The following PATJ variants were observed in gnomAD, a reference collection of about 807,000 sequenced individuals.
PATJ encodes the protein inaD-like protein.
A neutral mutation model predicts 224.9 loss-of-function variants in PATJ; 190 were observed. That is an observed-to-expected ratio of 0.84 (90% confidence interval 0.75 to 0.95). PATJ has a LOEUF of 0.95. Ranked by LOEUF, PATJ falls within the 40% of genes least tolerant of loss-of-function variation. The probability of loss-of-function intolerance (pLI) is 0.00; values close to 1 mark genes in which losing one functional copy is unlikely to be tolerated. For missense variants in PATJ, 2,121 were observed against 2,270.3 expected, an observed-to-expected ratio of 0.93 and a Z score of 1.34; for synonymous variants, 769 against 820.3, an observed-to-expected ratio of 0.94 and a Z score of 1.07.
chr1:61,960,911 A>C (rs1319928080), intron 27 of PATJ, among the ~76,000 whole-genome samples: 1 of 152,174 alleles, frequency 6.6e-6, no homozygotes, highest in Non-Finnish European at 1.5e-5. Flanking sequence ...GCAGAGTTAA[A>C]GATGGAAGGA....
rs528885290 is a variant in PATJ, at chr1:61,979,795, C to T, written c.3671-10373C>T. 2.0e-5 allele frequency among the ~76,000 whole-genome samples: 3 copies of T among 152,026 alleles called. No individual in the cohort carries two copies. The South Asian group carries it at 6.2e-4, about 32-fold the overall frequency. ...AGGTTTAAACCAAAGAAGTAAATAG[C>T]CATGGAGTGGTAAGATTGGACAAAC... On this transcript the variant is annotated intron_variant, in intron 27 of 43. Coordinates refer to ENST00000642238, the MANE Select transcript of PATJ (RefSeq NM_001350145.3).
chr1:61,877,846 AACC>A (rs1183195724), intron 21 of PATJ, among the ~76,000 whole-genome samples: 2 of 152,184 alleles, frequency 1.3e-5, no homozygotes. Context: ...CTGTTTTTCT[AACC>A]TCTGTACCCC....
chr1:61,828,199 C>T (rs993139983), intron 16 of PATJ, among the ~76,000 whole-genome samples: 11 of 150,292 alleles, frequency 7.3e-5, no homozygotes, highest in African/African-American at 2.0e-4. Flanking sequence ...GCTGAGATCA[C>T]GCCATTGCAC....
intron 14 of PATJ, among the ~76,000 whole-genome samples, chr1:61,815,899 T>C (rs1221478107): frequency 6.6e-6 from 1 of 152,158 alleles, no homozygotes. Context: ...GGGATGGCTT[T>C]CTTGGCAAGT....
chr1:61,790,582 C>T (rs1357634255), intron 8 of PATJ, among the ~76,000 whole-genome samples: 2 of 143,334 alleles, frequency 1.4e-5, no homozygotes, highest in African/African-American at 5.2e-5. Context: ...GGTGTGATCT[C>T]GGCTCACTGC....
Position 61,862,784 on chromosome 1 carries a change from A to G in PATJ, c.2439+1117A>G, listed in dbSNP as rs114798704. Among the ~76,000 whole-genome samples the G allele has an allele frequency of 6.5e-3, 983 of 152,164 alleles. 14 individuals carry two copies. Among genetic ancestry groups the G allele is most frequent in the African/African-American group, 0.023 (948 of 41,558 alleles). On this transcript the variant is annotated intron_variant, in intron 19 of 43. Coordinates refer to ENST00000642238, the MANE Select transcript of PATJ (RefSeq NM_001350145.3). Reference sequence around the variant, plus strand: ...TTTGAAGCTTTCCTTTTTTATTCTTAAAAGGAATTATACTTATGTTGCTCT... The same window carrying G: ...TTTGAAGCTTTCCTTTTTTATTCTTGAAAGGAATTATACTTATGTTGCTCT...
intron 33 of PATJ, among the ~76,000 whole-genome samples, chr1:62,096,540 A>T (rs1011415910): frequency 5.3e-5 from 8 of 152,186 alleles, no homozygotes; most frequent in African/African-American, 1.7e-4. Context: ...TTCTTGAAAG[A>T]TTATATTTCA....
chr1:62,031,124 AC>A (rs937166379), intron 29 of PATJ, among the ~76,000 whole-genome samples: 2 of 152,198 alleles, frequency 1.3e-5, no homozygotes, highest in Non-Finnish European at 2.9e-5. Flanking sequence ...CATGTTACAT[AC>A]CCGTCAGGGT....
At chr1:61,999,916 T>C (rs1386179770) in intron 28 of PATJ, among the ~76,000 whole-genome samples, 1 of 152,096 alleles carries the variant, frequency 6.6e-6, no homozygotes, top group East Asian at 1.9e-4. Context: ...AGAGTCTTGC[T>C]CTGTCACCCA....
intron 31 of PATJ, among the ~76,000 whole-genome samples, chr1:62,066,012 A>G (rs1051526557): frequency 6.6e-6 from 1 of 152,206 alleles, no homozygotes; most frequent in African/African-American, 2.4e-5. Flanking sequence ...GTTATCTTTC[A>G]AAGGGAACTA....
intron 39 of PATJ, among the ~76,000 whole-genome samples, chr1:62,125,254 C>CAAAAAAAAAAAAAA (rs779305398): frequency 4.2e-5 from 3 of 71,422 alleles, no homozygotes; most frequent in African/African-American, 6.0e-5. Context: ...AAAAAAAAAA[C>CAAAAAAAAAAAAAA]AAAAAAAAAC....
chr1:61,941,119 T>C (rs1380364395), intron 27 of PATJ, among the ~76,000 whole-genome samples: 1 of 152,228 alleles, frequency 6.6e-6, no homozygotes, highest in Non-Finnish European at 1.5e-5. Context: ...CATTTTACTT[T>C]AACTTCATTT....
At chr1:61,914,237 T>C (rs1183002335) in intron 25 of PATJ, among the ~76,000 whole-genome samples, 1 of 152,102 alleles carries the variant, frequency 6.6e-6, no homozygotes, top group Non-Finnish European at 1.5e-5. Flanking sequence ...GGGCGGATCA[T>C]CTGAGGTCAG....
At chr1:61,818,409 C>CT (rs1419509880) in intron 14 of PATJ, among the ~76,000 whole-genome samples, 2 of 152,212 alleles carry the variant, frequency 1.3e-5, no homozygotes, top group African/African-American at 4.8e-5. Context: ...TTCACTCACT[C>CT]TGTCATTTCA....
intron 27 of PATJ, among the ~76,000 whole-genome samples, chr1:61,949,181 G>C (rs1277797412): frequency 6.6e-6 from 1 of 151,494 alleles, no homozygotes; most frequent in African/African-American, 2.4e-5. Flanking sequence ...CCTGTACATT[G>C]TGCACGTGTA....
intron 27 of PATJ, among the ~76,000 whole-genome samples, chr1:61,944,397 G>C: frequency 6.6e-6 from 1 of 152,146 alleles, no homozygotes; most frequent in East Asian, 1.9e-4. Context: ...TGTTGGAGCT[G>C]AAAATCATGG....
chr1:61,869,782 G>A (rs1666040338), intron 20 of PATJ, among the ~76,000 whole-genome samples: 3 of 152,204 alleles, frequency 2.0e-5, no homozygotes, highest in Admixed American at 2.0e-4. Flanking sequence ...CTTTGGCACT[G>A]GCAAGAGTAA....
intron 10 of PATJ, among the ~76,000 whole-genome samples, chr1:61,796,683 T>TTTCTTTCTTTC (rs1557660555): frequency 4.8e-5 from 1 of 20,722 alleles, no homozygotes; most frequent in African/African-American, 1.2e-4. Flanking sequence ...TCTTTCTTTC[T>TTTCTTTCTTTC]TTCTTTCTTT....
chr1:61,759,843 C>T (rs1391220197), intron 1 of PATJ, among the ~76,000 whole-genome samples: 1 of 152,216 alleles, frequency 6.6e-6, no homozygotes, highest in Non-Finnish European at 1.5e-5. Context: ...ATTGTACACT[C>T]TTAGGACAAC....
Sources: gnomAD v4.1 joint callset for allele counts (sites outside exome capture counted in the v4.1 genomes callset) on GRCh38, gnomAD v4.1.1 for gene constraint, MANE v1.5 for transcripts, NCBI Gene and HGNC (gene_info 2026-07-23, HGNC 2026-07-21) for gene names.